Variants in ST6GAL1 observed in about 807,000 individuals in gnomAD.
ST6GAL1 encodes the protein beta-galactoside alpha-2,6-sialyltransferase 1.
A neutral mutation model predicts 38.0 loss-of-function variants in ST6GAL1; 20 were observed. The ratio of observed to expected loss-of-function variants is 0.53; its 90% CI spans 0.37 to 0.77. The LOEUF is 0.77. Ranked by LOEUF, ST6GAL1 falls within the 30% of genes least tolerant of loss-of-function variation. The pLI is 0.00. For missense variants in ST6GAL1, 432 were observed against 496.4 expected (o/e 0.87, Z 1.23); for synonymous variants, 196 against 188.2 (o/e 1.04, Z -0.34).
chr3:187,064,467 A>G (rs1719026739), intron 5 of ST6GAL1: 1 of 455,236 alleles, frequency 2.2e-6, no homozygotes, highest in African/African-American at 2.0e-5. Context: ...GAGTGTGCTC[A>G]GAAAATGCAT....
chr3:186,980,432 T>C (rs780160354), intron 2 of ST6GAL1, among the ~76,000 whole-genome samples: 1 of 152,036 alleles, frequency 6.6e-6, no homozygotes, highest in Non-Finnish European at 1.5e-5. Context: ...ATATACGTCT[T>C]TAAAAAGCTT....
intron 2 of ST6GAL1, among the ~76,000 whole-genome samples, chr3:186,979,511 A>G (rs546209235): frequency 6.7e-6 from 1 of 149,702 alleles, no homozygotes; most frequent in African/African-American, 2.4e-5. Context: ...ATGGTCCCCA[A>G]AGGAGGGTAG....
intron 1 of ST6GAL1, among the ~76,000 whole-genome samples, chr3:186,939,167 C>G (rs1216033538): frequency 6.6e-6 from 1 of 151,844 alleles, no homozygotes; most frequent in Non-Finnish European, 1.5e-5. Context: ...TCTGACCTCC[C>G]AGGCACAAGC....
intron 2 of ST6GAL1, among the ~76,000 whole-genome samples, chr3:186,997,511 T>G (rs1716458081): frequency 6.6e-6 from 1 of 151,994 alleles, no homozygotes; most frequent in Non-Finnish European, 1.5e-5. Context: ...CTCCCAACAT[T>G]TTGAGAGGCT....
intron 2 of ST6GAL1, among the ~76,000 whole-genome samples, chr3:186,982,191 T>C (rs1383902022): frequency 6.6e-6 from 1 of 152,242 alleles, no homozygotes; most frequent in African/African-American, 2.4e-5. Flanking sequence ...AAGTCCTTCC[T>C]TTTTTGGTGA....
chr3:187,037,079 A>C (rs1312621320), intron 2 of ST6GAL1, among the ~76,000 whole-genome samples: 1 of 152,058 alleles, frequency 6.6e-6, no homozygotes, highest in African/African-American at 2.4e-5. Context: ...TTATTTATTC[A>C]CTCTTATTTC....
intron 2 of ST6GAL1, among the ~76,000 whole-genome samples, chr3:187,005,500 C>T (rs1358964910): frequency 6.6e-6 from 1 of 152,050 alleles, no homozygotes; most frequent in Non-Finnish European, 1.5e-5. Context: ...TGGTCTCGAT[C>T]TCCTGACCTC....
rs1714842538 is a variant in ST6GAL1, at chr3:186,958,973, TAAA to T, written c.-324-4811_-324-4809del. Among the ~76,000 whole-genome samples, 6 of 6,890 alleles carry T rather than the reference TAAA, an allele frequency of 8.7e-4. 1 individual carries two copies. The highest frequency in any genetic ancestry group is 4.6e-3 in the South Asian group (1 of 218). The allele number at this position is 6,890 out of a possible 152,430, so 4.5% of individuals were successfully genotyped here. On this transcript the variant is annotated intron_variant, in intron 1 of 7. Coordinates refer to ENST00000169298, the MANE Select transcript of ST6GAL1 (RefSeq NM_173216.2). ...ATCTCAAAAAAAAAAAAAAATTAAA[TAAA>T]TAAATAAATAAATAAATAAAATAAA...
chr3:186,978,975 TC>T (rs1311390576), intron 2 of ST6GAL1, among the ~76,000 whole-genome samples: 1 of 151,910 alleles, frequency 6.6e-6, no homozygotes, highest in African/African-American at 2.4e-5. Flanking sequence ...ACTTCTGACT[TC>T]CTCTAGTAGA....
chr3:187,005,280 T>C (rs1433803352), intron 2 of ST6GAL1, among the ~76,000 whole-genome samples: 8 of 144,234 alleles, frequency 5.5e-5, no homozygotes, highest in East Asian at 4.0e-4. Context: ...TTTTTTTTTT[T>C]TTTTTTTTTT....
intron 2 of ST6GAL1, among the ~76,000 whole-genome samples, chr3:187,020,496 T>G (rs1240867111): frequency 6.6e-6 from 1 of 152,214 alleles, no homozygotes; most frequent in Non-Finnish European, 1.5e-5. Flanking sequence ...AGTTGATTCT[T>G]AAGGCAGCAT....
chr3:186,931,538 C>T (rs1381698884), intron 1 of ST6GAL1: 2 of 152,400 alleles, frequency 1.3e-5, no homozygotes, highest in Admixed American at 6.5e-5. Context: ...CCCTCACCTT[C>T]ACCTCCTGGA....
intron 1 of ST6GAL1, among the ~76,000 whole-genome samples, chr3:186,961,987 C>T (rs969611845): frequency 2.0e-5 from 3 of 152,196 alleles, no homozygotes; most frequent in African/African-American, 7.2e-5. Flanking sequence ...GACCTCTTCC[C>T]TGACTGCTCT....
At chr3:186,945,081 G>T (rs546359135) in intron 1 of ST6GAL1, among the ~76,000 whole-genome samples, 2 of 152,296 alleles carry the variant, frequency 1.3e-5, no homozygotes, top group Admixed American at 1.3e-4. Context: ...CACTTTGGGA[G>T]GCAGAAGCCT....
chr3:187,030,995 A>G (rs1056689662), intron 2 of ST6GAL1, among the ~76,000 whole-genome samples: 7 of 152,172 alleles, frequency 4.6e-5, no homozygotes, highest in African/African-American at 1.7e-4. Context: ...GGATGGTGTC[A>G]GGAGCTAGCT....
intron 5 of ST6GAL1, among the ~76,000 whole-genome samples, chr3:187,053,089 A>G (rs957237179): frequency 2.0e-5 from 3 of 152,208 alleles, no homozygotes; most frequent in African/African-American, 7.2e-5. Flanking sequence ...GGCTGCATAA[A>G]TGTCTTCTTT....
chr3:187,053,069 T>C (rs1489426639), intron 5 of ST6GAL1, among the ~76,000 whole-genome samples: 2 of 152,272 alleles, frequency 1.3e-5, no homozygotes, highest in African/African-American at 4.8e-5. Flanking sequence ...CATTTTTTCA[T>C]GTGCCTGTTG....
chr3:186,975,985 G>T (rs1278475015), intron 2 of ST6GAL1, among the ~76,000 whole-genome samples: 1 of 152,156 alleles, frequency 6.6e-6, no homozygotes, highest in African/African-American at 2.4e-5. Context: ...ATAGGAAACT[G>T]CCTGCAACTG....
intron 1 of ST6GAL1, among the ~76,000 whole-genome samples, chr3:186,939,840 C>G (rs1172173144): frequency 6.6e-6 from 1 of 152,196 alleles, no homozygotes; most frequent in African/African-American, 2.4e-5. Flanking sequence ...TTAGCCCCTT[C>G]CCTCTGCTTT....
Sources: gnomAD v4.1 joint callset for allele counts (sites outside exome capture counted in the v4.1 genomes callset) on GRCh38, gnomAD v4.1.1 for gene constraint, MANE v1.5 for transcripts, NCBI Gene and HGNC (gene_info 2026-07-23, HGNC 2026-07-21) for gene names.